Variants in SAXO1 observed in about 807,000 individuals in gnomAD.
SAXO1 encodes stabilizer of axonemal microtubules 1, also known as 4930500O09Rik.
A neutral mutation model predicts 17.5 loss-of-function variants in SAXO1; 21 were observed. The observed-to-expected ratio is 1.20, with a 90% confidence interval of 0.85 to 1.72. The LOEUF (loss-of-function observed/expected upper bound fraction) is 1.72. Among genes scored for constraint, SAXO1 ranks in the 40% most tolerant of loss-of-function variants. The pLI, the probability that SAXO1 is intolerant of heterozygous loss-of-function variation, is 0.00. For synonymous variants in SAXO1, 274 were observed against 216.5 expected (o/e 1.27, Z -2.33); for missense variants, 843 against 596.0 (o/e 1.41, Z -4.32).
At chr9:19,001,226 T>C (rs1834251343) in intron 1 of SAXO1, among the ~76,000 whole-genome samples, 2 of 152,090 alleles carry the variant, frequency 1.3e-5, no homozygotes, top group Non-Finnish European at 2.9e-5. Context: ...AGAACAGAAA[T>C]CACAACAAAC....
At chr9:18,980,531 G>A (rs533770238) in intron 1 of SAXO1, among the ~76,000 whole-genome samples, 1 of 92,716 alleles carries the variant, frequency 1.1e-5, no homozygotes, top group African/African-American at 6.3e-5. Context: ...GTAGTGGCGG[G>A]GGGAGGGAGG....
At chr9:18,977,794 C>A (rs1372819018) in intron 1 of SAXO1, among the ~76,000 whole-genome samples, 1 of 151,988 alleles carries the variant, frequency 6.6e-6, no homozygotes. Context: ...GGGAGCTCCA[C>A]ACCACTCTGG....
intron 3 of SAXO1, among the ~76,000 whole-genome samples, chr9:18,936,036 T>C (rs959564784): frequency 1.3e-5 from 2 of 152,168 alleles, no homozygotes; most frequent in African/African-American, 4.8e-5. Context: ...TTTTTTTGCA[T>C]ACCAGTGGCT....
chr9:18,999,588 T>G lies in SAXO1; in HGVS notation c.38+33283A>C, dbSNP rs1456817174. Among the ~76,000 whole-genome samples the G allele has an allele frequency of 1.4e-5, 2 of 144,910 alleles. 1 individual carries two copies. The highest frequency in any genetic ancestry group is 3.0e-5 in the Non-Finnish European group (2 of 66,870). On this transcript the variant is annotated intron_variant, in intron 1 of 3. Transcript: ENST00000380534. The stretch of plus-strand genomic sequence containing the variant: ...CCTGGCCGCCACACCATCTGGGAAG[T>G]GAGGAGCGCCTCTGCCTGGCTGTCC...
chr9:18,943,303 C>A (rs1415535895), intron 2 of SAXO1, among the ~76,000 whole-genome samples: 1 of 152,302 alleles, frequency 6.6e-6, no homozygotes, highest in African/African-American at 2.4e-5. Context: ...TCAGCCTGGG[C>A]TCCCTTCCTA....
chr9:18,938,844 G>GTA (rs1831424453), intron 3 of SAXO1, among the ~76,000 whole-genome samples: 1 of 150,662 alleles, frequency 6.6e-6, no homozygotes, highest in African/African-American at 2.4e-5. Flanking sequence ...GTGTGTGTGT[G>GTA]TGTGTGTGTA....
intron 1 of SAXO1, among the ~76,000 whole-genome samples, chr9:19,010,148 AAAACAACAAC>A (rs1044322903): frequency 2.8e-5 from 3 of 108,252 alleles, no homozygotes; most frequent in Admixed American, 9.2e-5. Flanking sequence ...AATCTAAAAA[AAAACAACAAC>A]AACAACAAAA....
chr9:19,002,370 G>A (rs1409623522), intron 1 of SAXO1, among the ~76,000 whole-genome samples: 1 of 152,190 alleles, frequency 6.6e-6, no homozygotes, highest in Non-Finnish European at 1.5e-5. Flanking sequence ...CAGAAAAAGA[G>A]GGACTCCTCT....
At chr9:18,935,071 G>T (rs569939138) in intron 3 of SAXO1, among the ~76,000 whole-genome samples, 1 of 152,152 alleles carries the variant, frequency 6.6e-6, no homozygotes, top group African/African-American at 2.4e-5. Context: ...GGGATTACAG[G>T]CGTCCACCAC....
intron 1 of SAXO1, among the ~76,000 whole-genome samples, chr9:19,046,567 T>G (rs1588581754): frequency 6.6e-6 from 1 of 151,978 alleles, no homozygotes; most frequent in East Asian, 1.9e-4. Context: ...CCAGACAAGG[T>G]GGCACATGCC....
At chr9:18,946,094 T>C (rs1346397211) in intron 2 of SAXO1, among the ~76,000 whole-genome samples, 3 of 151,604 alleles carry the variant, frequency 2.0e-5, no homozygotes, top group African/African-American at 7.3e-5. Flanking sequence ...CTGACCAACA[T>C]GGAGAAACCC....
chr9:19,017,957 T>C (rs80133524), intron 1 of SAXO1, among the ~76,000 whole-genome samples: 2,762 of 152,170 alleles, frequency 0.018, 79 homozygotes, highest in African/African-American at 0.061. Context: ...CACTTGAGCC[T>C]AGGAGGTGAC....
At chr9:19,029,700 G>T (rs575059291) in intron 1 of SAXO1, among the ~76,000 whole-genome samples, 1 of 152,256 alleles carries the variant, frequency 6.6e-6, no homozygotes, top group Admixed American at 6.5e-5. Context: ...TGCCGGTATG[G>T]GAGTGACTAT....
intron 1 of SAXO1, among the ~76,000 whole-genome samples, chr9:19,005,339 A>G (rs1834441713): frequency 2.6e-5 from 4 of 152,182 alleles, no homozygotes; most frequent in Non-Finnish European, 5.9e-5. Flanking sequence ...GAAAAAAAAA[A>G]TGACCAAGTA....
intron 2 of SAXO1, among the ~76,000 whole-genome samples, chr9:18,948,611 T>G (rs1831893875): frequency 6.6e-6 from 1 of 152,146 alleles, no homozygotes; most frequent in Admixed American, 6.5e-5. Flanking sequence ...AGAGGGTAAG[T>G]TTTTGTTTAG....
rs563477746 is a variant in SAXO1, at chr9:19,032,818, G to C, written c.38+53C>G. On this transcript the variant is annotated intron_variant, in intron 1 of 3. Coordinates refer to ENST00000380534, the MANE Select transcript of SAXO1 (RefSeq NM_153707.4). The stretch of plus-strand genomic sequence containing the variant: ...AGCTGGGGGAGGCTTCCCTTCCTCG[G>C]GAGTCTGAAAACCCAGGCTCCCCCA... 4 of 1,592,898 alleles carry C rather than the reference G, an allele frequency of 2.5e-6. No homozygotes were observed. The South Asian group carries it at 4.5e-5, about 18-fold the overall frequency.
In SAXO1 at chr9:18,973,743, C is replaced by T. The variant is rs541690121; in HGVS notation, c.39-22806G>A. Among the ~76,000 whole-genome samples the T allele has an allele frequency of 5.3e-5, 8 of 152,302 alleles. No homozygotes were observed. The East Asian group carries it at 1.5e-3, about 29-fold the overall frequency. ...AGCTACTCACTTGGGTGAAAAGAGA[C>T]AAAAATCTTCTCAGATACAGAAGGT... is the stretch of plus-strand genomic sequence containing the variant. On this transcript the variant is annotated intron_variant, in intron 1 of 3. Transcript: ENST00000380534.
intron 1 of SAXO1, among the ~76,000 whole-genome samples, chr9:18,999,863 G>A (rs1460221692): frequency 6.9e-6 from 1 of 144,426 alleles, no homozygotes; most frequent in Non-Finnish European, 1.5e-5. Context: ...ACAACATCTG[G>A]GAAGTGAGGA....
At chr9:18,944,578 T>C (rs1277243927) in intron 2 of SAXO1, among the ~76,000 whole-genome samples, 2 of 152,186 alleles carry the variant, frequency 1.3e-5, no homozygotes, top group Admixed American at 1.3e-4. Context: ...AAGAAACTGG[T>C]CAGAGAAGTA....
Sources: gnomAD v4.1 joint callset for allele counts (sites outside exome capture counted in the v4.1 genomes callset) on GRCh38, gnomAD v4.1.1 for gene constraint, MANE v1.5 for transcripts, NCBI Gene and HGNC (gene_info 2026-07-23, HGNC 2026-07-21) for gene names.